SPATS2L: variants seen among roughly 807,000 people sequenced by gnomAD.
SPATS2L encodes SPATS2-like protein.
In SPATS2L, 30 loss-of-function variants were observed where a neutral mutation model predicts 59.6. The observed-to-expected ratio is 0.50, with a 90% CI of 0.38 to 0.68. The LOEUF (loss-of-function observed/expected upper bound fraction) is 0.68, where lower values mean the gene tolerates loss of function less well. SPATS2L is among the 30% of genes least tolerant of loss of function. The pLI, the probability that SPATS2L is intolerant of heterozygous loss-of-function variation, is 0.00. For missense variants in SPATS2L, 615 were observed against 700.0 expected (o/e 0.88, Z 1.37); for synonymous variants, 252 against 263.5 (o/e 0.96, Z 0.42).
intron 2 of SPATS2L, among the ~76,000 whole-genome samples, chr2:200,344,849 T>C (rs1313983510): frequency 6.6e-6 from 1 of 152,228 alleles, no homozygotes; most frequent in Admixed American, 6.5e-5. Flanking sequence ...CATATGCTTT[T>C]TGTGGGCATG....
chr2:200,468,378 A>ACACACC (rs1187268085), intron 10 of SPATS2L, among the ~76,000 whole-genome samples: 1 of 151,282 alleles, frequency 6.6e-6, no homozygotes, highest in Non-Finnish European at 1.5e-5. Context: ...ACACACACAC[A>ACACACC]CGCCTTCCAG....
intron 1 of SPATS2L, 46 bp from the exon 2 acceptor site, chr2:200,329,385 A>G (rs1243062217): frequency 6.7e-7 from 1 of 1,489,164 alleles, no homozygotes; most frequent in African/African-American, 1.4e-5. Context: ...TGGTGTGGCT[A>G]CTAATTTGAG....
chr2:200,337,557 C>A (rs946823271), intron 2 of SPATS2L, among the ~76,000 whole-genome samples: 8 of 152,094 alleles, frequency 5.3e-5, no homozygotes, highest in African/African-American at 1.9e-4. Context: ...GGTACCTGGG[C>A]ATTTTCTGGG....
chr2:200,428,479 G>A (rs1327122976), intron 6 of SPATS2L, among the ~76,000 whole-genome samples: 2 of 152,042 alleles, frequency 1.3e-5, no homozygotes, highest in Non-Finnish European at 2.9e-5. Flanking sequence ...AATTGCTGAA[G>A]CTCCCTAGGG....
intron 2 of SPATS2L, among the ~76,000 whole-genome samples, chr2:200,334,793 T>C (rs1358736539): frequency 5.3e-5 from 8 of 152,216 alleles, no homozygotes; most frequent in Admixed American, 4.6e-4. Context: ...TTCTTGTTTT[T>C]GTCAGGTTTG....
At chr2:200,380,760 GTGGGTTGAGTACAT>G (rs1022525163) in intron 2 of SPATS2L, among the ~76,000 whole-genome samples, 2 of 152,192 alleles carry the variant, frequency 1.3e-5, no homozygotes, top group Non-Finnish European at 2.9e-5. Context: ...TGTTCTAACA[GTGGGTTGAGTACAT>G]TGAAATGTCT....
chr2:200,361,131 A>G (rs2081093030), intron 2 of SPATS2L, among the ~76,000 whole-genome samples: 1 of 148,018 alleles, frequency 6.8e-6, no homozygotes, highest in East Asian at 2.0e-4. Context: ...ACATACACAT[A>G]CACACTGTTC....
At chr2:200,350,837 A>C (rs2080699880) in intron 2 of SPATS2L, among the ~76,000 whole-genome samples, 1 of 152,016 alleles carries the variant, frequency 6.6e-6, no homozygotes, top group South Asian at 2.1e-4. Flanking sequence ...GCCTGGCTTA[A>C]ATTTAAATTT....
At chr2:200,437,237 C>T (rs550364764) in intron 6 of SPATS2L, among the ~76,000 whole-genome samples, 59 of 152,342 alleles carry the variant, frequency 3.9e-4, no homozygotes, top group African/African-American at 1.4e-3. Context: ...TATAGTATCT[C>T]ATCCAGACTG....
intron 3 of SPATS2L, among the ~76,000 whole-genome samples, chr2:200,402,787 G>A (rs1559101083): frequency 6.6e-6 from 1 of 152,168 alleles, no homozygotes. Flanking sequence ...AGTTTTTATG[G>A]TAATACTCTA....
At chr2:200,410,868 A>T (rs2082852925) in intron 3 of SPATS2L, among the ~76,000 whole-genome samples, 1 of 152,096 alleles carries the variant, frequency 6.6e-6, no homozygotes, top group African/African-American at 2.4e-5. Flanking sequence ...ATATTCACAG[A>T]ATTGGATTTT....
chr2:200,403,178 C>T (rs1010496653), intron 3 of SPATS2L, among the ~76,000 whole-genome samples: 1 of 152,172 alleles, frequency 6.6e-6, no homozygotes, highest in Non-Finnish European at 1.5e-5. Context: ...AATGGATAAA[C>T]GGGGCCCAAC....
intron 8 of SPATS2L, among the ~76,000 whole-genome samples, chr2:200,445,435 A>G (rs1039771080): frequency 6.6e-6 from 1 of 152,238 alleles, no homozygotes; most frequent in Non-Finnish European, 1.5e-5. Flanking sequence ...CCCTGTTGAT[A>G]GCCAAGGAAA....
In SPATS2L at chr2:200,329,500, C is replaced by T. The variant is rs1270853303; in HGVS notation, c.-23+20C>T. 6.5e-7 allele frequency: 1 copy of T among 1,548,050 alleles called. No homozygotes were observed. The highest frequency in any genetic ancestry group is 1.4e-5 in the African/African-American group (1 of 73,010). The stretch of plus-strand genomic sequence containing the variant: ...TCCCAGGTGAGTAGAGATGGTCCTT[C>T]CCTCTCTGTGACCTCCTCCTGCTGC... On this transcript the variant is annotated intron_variant, in intron 2 of 12. Transcript: ENST00000409140.
chr2:200,441,481 T>G (rs2084697190), intron 8 of SPATS2L, among the ~76,000 whole-genome samples: 1 of 152,144 alleles, frequency 6.6e-6, no homozygotes, highest in Non-Finnish European at 1.5e-5. Context: ...AAAAGAGAAT[T>G]TATTGGCTGA....
chr2:200,440,826 A>G (rs1304505428), intron 8 of SPATS2L, 42 bp downstream of exon 8: 1 of 1,600,792 alleles, frequency 6.2e-7, no homozygotes, highest in African/African-American at 1.3e-5. Flanking sequence ...GTGATGCTTG[A>G]GCTGTTCCAA....
At chr2:200,309,666 C>T (rs957772419) in intron 1 of SPATS2L, among the ~76,000 whole-genome samples, 3 of 152,208 alleles carry the variant, frequency 2.0e-5, no homozygotes, top group Admixed American at 6.5e-5. Flanking sequence ...CATTTCATCA[C>T]TGTTTTGCCT....
intron 6 of SPATS2L, among the ~76,000 whole-genome samples, chr2:200,437,849 G>C (rs1231481358): frequency 6.6e-6 from 1 of 152,132 alleles, no homozygotes; most frequent in Non-Finnish European, 1.5e-5. Flanking sequence ...ATTTTTTCAA[G>C]TGTAGTCTCT....
intron 1 of SPATS2L, chr2:200,308,816 C>T: frequency 9.1e-6 from 4 of 438,578 alleles, no homozygotes; most frequent in Non-Finnish European, 4.0e-6. Context: ...TTCTAAGAAT[C>T]AACTTAGTTT....
Sources: gnomAD v4.1 joint callset for allele counts (sites outside exome capture counted in the v4.1 genomes callset) on GRCh38, gnomAD v4.1.1 for gene constraint, MANE v1.5 for transcripts, NCBI Gene and HGNC (gene_info 2026-07-23, HGNC 2026-07-21) for gene names.